Variants in HIBCH observed in about 807,000 individuals in gnomAD.
The protein encoded by HIBCH is 3-hydroxyisobutyryl-CoA hydrolase, mitochondrial.
HIBCH carries 50 observed loss-of-function variants against 58.2 expected under a neutral mutation model. That is an observed-to-expected ratio of 0.86 (90% CI 0.68 to 1.09). HIBCH has a LOEUF of 1.09. Ranked by LOEUF, HIBCH falls within the 50% of genes least tolerant of loss-of-function variation. The pLI is 0.00. For synonymous variants in HIBCH, 151 were observed against 146.9 expected (o/e 1.03, Z -0.20); for missense variants, 450 against 449.7 (o/e 1.00, Z -0.01).
At chr2:190,310,607 G>A (rs1037811948) in intron 2 of HIBCH, 147 bp downstream of exon 2, 50 of 735,682 alleles carry the variant, frequency 6.8e-5, no homozygotes, top group Admixed American at 5.4e-4. Context: ...TACAAGGTGC[G>A]TGTGCCATGT....
intron 2 of HIBCH, among the ~76,000 whole-genome samples, chr2:190,307,047 C>T (rs995127564): frequency 2.6e-5 from 4 of 152,170 alleles, no homozygotes; most frequent in African/African-American, 7.2e-5. Flanking sequence ...ACCCAGTTTA[C>T]GGTTTTGTTA....
intron 5 of HIBCH, among the ~76,000 whole-genome samples, chr2:190,288,184 A>T (rs1687879025): frequency 6.6e-6 from 1 of 150,604 alleles, no homozygotes; most frequent in Non-Finnish European, 1.5e-5. Context: ...TAAAAAAAGG[A>T]AGAGCTATGT....
chr2:190,273,594 A>G (rs530147010), intron 6 of HIBCH, among the ~76,000 whole-genome samples: 1 of 152,212 alleles, frequency 6.6e-6, no homozygotes, highest in South Asian at 2.1e-4. Context: ...TACACCCTAT[A>G]CACTTAGAAA....
In HIBCH at chr2:190,291,139, C is replaced by T. The variant is rs140322670; in HGVS notation, c.305-654G>A. Among the ~76,000 whole-genome samples, 992 of 152,178 alleles carry T rather than the reference C, an allele frequency of 6.5e-3. 9 individuals carry two copies. The highest frequency in any genetic ancestry group is 0.023 in the African/African-American group (941 of 41,498). On this transcript the variant is annotated intron_variant, in intron 4 of 13. Coordinates refer to ENST00000359678, the MANE Select transcript of HIBCH (RefSeq NM_014362.4). ...ATGTCTTAATACAAAATGTATTATA[C>T]GTGTGTGTATAGTGCTACAACGTAT... is the stretch of plus-strand genomic sequence containing the variant.
chr2:190,192,719 C>T (rs1689775461), intron 1 of HIBCH, among the ~76,000 whole-genome samples: 1 of 152,096 alleles, frequency 6.6e-6, no homozygotes, highest in Admixed American at 6.6e-5. Context: ...GTACAACGTA[C>T]ACAATACAAA....
At position 190,306,318 on chromosome 2, in the gene HIBCH, G is replaced by A. The variant is rs1688404550; in HGVS notation, c.78+4436C>T. Reference sequence around the variant, plus strand: ...GAATAGGTATGCCATGAACCCAAGGGCCTGACCACTCCTTGCCTGGGTCAT... The same window carrying A: ...GAATAGGTATGCCATGAACCCAAGGACCTGACCACTCCTTGCCTGGGTCAT... On this transcript the variant is annotated intron_variant, in intron 2 of 13. Coordinates refer to ENST00000359678, the MANE Select transcript of HIBCH (RefSeq NM_014362.4). The surrounding 1 kb of genome is among the most constrained non-coding windows in gnomAD (Gnocchi z 4.6). Among the ~76,000 whole-genome samples the A allele has an allele frequency of 6.6e-6, 1 of 151,996 alleles. No individual in the cohort carries two copies. Among genetic ancestry groups the A allele is most frequent in the African/African-American group, 2.4e-5 (1 of 41,360 alleles).
chr2:190,256,307 AAACAG>A (rs1223161623), intron 7 of HIBCH, among the ~76,000 whole-genome samples: 1 of 152,140 alleles, frequency 6.6e-6, no homozygotes, highest in African/African-American at 2.4e-5. Context: ...ACAGGACTAA[AAACAG>A]CATGTTCCCC....
intron 5 of HIBCH, among the ~76,000 whole-genome samples, chr2:190,289,212 A>G (rs1303258708): frequency 6.6e-6 from 1 of 151,996 alleles, no homozygotes; most frequent in Admixed American, 6.5e-5. Flanking sequence ...TTCATCACTT[A>G]GTAATTATTT....
intron 11 of HIBCH, among the ~76,000 whole-genome samples, chr2:190,230,900 T>C (rs1023943358): frequency 1.3e-5 from 2 of 152,176 alleles, no homozygotes; most frequent in Non-Finnish European, 2.9e-5. Flanking sequence ...AGAAAAATTA[T>C]AGACCAATCT....
chr2:190,318,400 G>C (rs796124034), intron 1 of HIBCH, among the ~76,000 whole-genome samples: 2 of 152,154 alleles, frequency 1.3e-5, no homozygotes, highest in African/African-American at 4.8e-5. Flanking sequence ...CATGGCCCAA[G>C]GCCTTTTTTC....
In HIBCH at chr2:190,215,467, C is replaced by T. The variant is rs1690607814; in HGVS notation, c.892-2392G>A. 1 of 152,190 alleles carries T rather than the reference C, an allele frequency of 6.6e-6. No individual in the cohort carries two copies. Among genetic ancestry groups the T allele is most frequent in the Non-Finnish European group, 1.5e-5 (1 of 68,028 alleles). The allele number at this position is 152,190 out of a possible 1,614,324, so 9.4% of individuals were successfully genotyped here. On this transcript the variant is annotated intron_variant, in intron 11 of 13. Coordinates refer to ENST00000359678, the MANE Select transcript of HIBCH (RefSeq NM_014362.4). This position sits in a 1 kb window ranked among gnomAD's most constrained non-coding sequence, Gnocchi z 4.4. ...ACAACAAAAAAGGAGGAGACTCCCT[C>T]TGTGTTGCTGCAGAGGCTCAGTGAT...
At chr2:190,282,933 T>C (rs1449161391) in intron 6 of HIBCH, among the ~76,000 whole-genome samples, 1 of 149,974 alleles carries the variant, frequency 6.7e-6, no homozygotes, top group Non-Finnish European at 1.5e-5. Flanking sequence ...AACAATAAAG[T>C]ACAAACACCA....
At chr2:190,219,832 A>C (rs949194540) in intron 11 of HIBCH, among the ~76,000 whole-genome samples, 1 of 152,176 alleles carries the variant, frequency 6.6e-6, no homozygotes, top group African/African-American at 2.4e-5. Context: ...CGCTTTCGCT[A>C]TTGTCCAGGT....
chr2:190,269,449 T>C (rs1177794071), intron 6 of HIBCH, among the ~76,000 whole-genome samples: 5 of 101,786 alleles, frequency 4.9e-5, no homozygotes, highest in Admixed American at 1.2e-4. Context: ...AAGACATTTA[T>C]GCAGTCAACA....
intron 7 of HIBCH, among the ~76,000 whole-genome samples, chr2:190,258,774 C>G (rs892721215): frequency 2.6e-5 from 4 of 152,120 alleles, no homozygotes; most frequent in Non-Finnish European, 5.9e-5. Context: ...CATCTTTAAT[C>G]CATTTGAGGT....
chr2:190,239,476 T>A (rs1394942085), intron 11 of HIBCH, among the ~76,000 whole-genome samples: 2 of 151,896 alleles, frequency 1.3e-5, no homozygotes, highest in Non-Finnish European at 2.9e-5. Flanking sequence ...TATGAAATTG[T>A]TTTTTCTAGA....
At chr2:190,229,668 A>G (rs190620591) in intron 11 of HIBCH, among the ~76,000 whole-genome samples, 409 of 152,356 alleles carry the variant, frequency 2.7e-3, no homozygotes, top group African/African-American at 9.2e-3. Flanking sequence ...ATGAATTGCA[A>G]ATTTTTTTAA....
At chr2:190,233,624 G>C (rs1686176935) in intron 11 of HIBCH, among the ~76,000 whole-genome samples, 1 of 152,276 alleles carries the variant, frequency 6.6e-6, no homozygotes, top group East Asian at 1.9e-4. Flanking sequence ...AGTGTGAAAA[G>C]AGATGAATAC....
At chr2:190,245,050 TC>T (rs1559030930) in intron 10 of HIBCH, 82 bp from the exon 11 acceptor site, 1 of 874,314 alleles carries the variant, frequency 1.1e-6, no homozygotes, top group Non-Finnish European at 2.0e-6. Context: ...ACATAGGCTT[TC>T]CCCCACCTCT....
Sources: allele counts gnomAD v4.1 joint callset (sites outside exome capture counted in the v4.1 genomes callset), GRCh38; gene constraint gnomAD v4.1.1; non-coding constraint Gnocchi (gnomAD v3.1); transcripts MANE v1.5; gene names NCBI Gene and HGNC (gene_info 2026-07-23, HGNC 2026-07-21).